The following POU6F1 variants were observed in gnomAD, a reference collection of about 807,000 sequenced individuals.
POU6F1 encodes the protein POU domain, class 6, transcription factor 1.
Under a neutral mutation model 28.9 loss-of-function variants are expected in POU6F1, and 9 were observed. That is an observed-to-expected ratio of 0.31 (90% confidence interval 0.19 to 0.54). POU6F1 has a LOEUF of 0.54. POU6F1 is among the 20% of genes least tolerant of loss of function. The pLI is 0.94. For synonymous variants in POU6F1, 173 were observed against 171.1 expected (o/e 1.01, Z -0.09); for missense variants, 338 against 426.1 (o/e 0.79, Z 1.82).
At chr12:51,198,115 G>A (rs1565612345) in intron 5 of POU6F1, 92 bp from the exon 6 acceptor site, 2 of 398,384 alleles carry the variant, frequency 5.0e-6, no homozygotes, top group South Asian at 1.4e-4. Context: ...AGAAGGAGAG[G>A]GGGTTGGGGC....
In POU6F1 at chr12:51,217,399, A is replaced by G. The variant is rs1047598408; in HGVS notation, c.-48+243T>C. ...GTCCAGAGCGGCCCGCGGGCGGGCG[A>G]GGGCGCGGCCCCCGGGTGTCTAGCC... On this transcript the variant is annotated intron_variant, in intron 1 of 10. Coordinates refer to ENST00000333640, the MANE Select transcript of POU6F1 (RefSeq NM_001330422.2). This position sits in a 1 kb window ranked among gnomAD's most constrained non-coding sequence, Gnocchi z 5.3. 7.3e-5 allele frequency among the ~76,000 whole-genome samples: 11 copies of G among 151,656 alleles called. No individual in the cohort carries two copies. Among genetic ancestry groups the G allele is most frequent in the Non-Finnish European group, 1.5e-4 (10 of 67,904 alleles).
At chr12:51,191,838 G>C (rs1277837013) in intron 9 of POU6F1, 74 bp from the exon 10 acceptor site, 10 of 1,561,696 alleles carry the variant, frequency 6.4e-6, no homozygotes, top group Non-Finnish European at 8.8e-6. Flanking sequence ...TCATTGGTCT[G>C]AACTGACGCA....
At position 51,199,922 on chromosome 12, in the gene POU6F1, AG is replaced by A. The variant is rs1348419271; in HGVS notation, c.245-55del. ...CAAGGAGTGAGCCTGACGTGAGTGGAGGGGTCACCACAGCAGTACATGACAT... is the reference window on the plus strand; with the variant it reads ...CAAGGAGTGAGCCTGACGTGAGTGGAGGGTCACCACAGCAGTACATGACAT... On this transcript the variant is annotated intron_variant, in intron 3 of 10. Coordinates refer to ENST00000333640, the MANE Select transcript of POU6F1 (RefSeq NM_001330422.2). The surrounding 1 kb of genome is among the most constrained non-coding windows in gnomAD (Gnocchi z 4.1). 1 of 399,232 alleles carries A rather than the reference AG, an allele frequency of 2.5e-6. No individual in the cohort carries two copies. Among genetic ancestry groups the A allele is most frequent in the Non-Finnish European group, 4.4e-6 (1 of 226,240 alleles). 24.7% of individuals were successfully genotyped at this position (399,232 alleles called of 1,614,324 possible).
chr12:51,197,029 G>A (rs1320149761), intron 6 of POU6F1, 102 bp from the exon 7 acceptor site: 1 of 653,934 alleles, frequency 1.5e-6, no homozygotes, highest in African/African-American at 1.8e-5. Flanking sequence ...ATGTGAATGT[G>A]GGCTTCAGGC....
rs1452718770 is a variant in POU6F1 at position 51,189,966 on chromosome 12, A to G, written c.*281T>C. On this transcript the variant is annotated 3_prime_UTR_variant, in exon 11 of 11. Coordinates refer to ENST00000333640, the MANE Select transcript of POU6F1 (RefSeq NM_001330422.2). ...CACCAGAATTCACCCTTCAGAAACCATGCTAGCAAGGTGCTTCTCTAAGTG... is the reference window on the plus strand; with the variant it reads ...CACCAGAATTCACCCTTCAGAAACCGTGCTAGCAAGGTGCTTCTCTAAGTG... The G allele has an allele frequency of 2.2e-6, 1 of 452,046 alleles. No individual in the cohort carries two copies. The highest frequency in any genetic ancestry group is 3.9e-6 in the Non-Finnish European group (1 of 254,742). The allele number at this position is 452,046 out of a possible 1,614,324, so 28.0% of individuals were successfully genotyped here.
intron 1 of POU6F1, among the ~76,000 whole-genome samples, chr12:51,216,614 G>T (rs559469163): frequency 6.6e-6 from 1 of 152,270 alleles, no homozygotes; most frequent in East Asian, 1.9e-4. Context: ...GAATGAAAAT[G>T]GAATATATGG....
At chr12:51,210,284 G>C (rs866415558) in intron 1 of POU6F1, among the ~76,000 whole-genome samples, 4 of 152,066 alleles carry the variant, frequency 2.6e-5, no homozygotes. Flanking sequence ...TATGAAAGTC[G>C]TTACACATAG....
chr12:51,192,213 G>C lies in POU6F1; in HGVS notation c.1321+117C>G, dbSNP rs532982455. 9.4e-6 allele frequency: 13 copies of C among 1,387,182 alleles called. No homozygotes were observed. In the African/African-American group the frequency reaches 1.9e-4, roughly 20 times the overall value. The allele number at this position is 1,387,182 out of a possible 1,614,324, so 85.9% of individuals were successfully genotyped here. A position where few individuals can be genotyped will look rare whatever the true frequency, so the allele number is the denominator to read the frequency against. ...TAAAAAAGCCAGCCCCTCATATTGG[G>C]CCTCTGCCCTTCCCCTCTGGACCCC... On this transcript the variant is annotated intron_variant, in intron 9 of 10. Coordinates refer to ENST00000333640, the MANE Select transcript of POU6F1 (RefSeq NM_001330422.2).
intron 1 of POU6F1, among the ~76,000 whole-genome samples, chr12:51,215,380 C>T (rs1425245049): frequency 6.6e-6 from 1 of 151,724 alleles, no homozygotes; most frequent in African/African-American, 2.4e-5. Flanking sequence ...CATGGTGAAA[C>T]CCCGTCTCTA....
At chr12:51,197,671 CG>C (rs201108082) in intron 6 of POU6F1, 98 bp downstream of exon 6, 6 of 396,290 alleles carry the variant, frequency 1.5e-5, no homozygotes, top group East Asian at 7.2e-5. Flanking sequence ...GGGCTGTTTT[CG>C]GGGGGGGCTC....
At chr12:51,205,482 T>C (rs1455901925) in intron 2 of POU6F1, among the ~76,000 whole-genome samples, 1 of 152,332 alleles carries the variant, frequency 6.6e-6, no homozygotes, top group Non-Finnish European at 1.5e-5. Context: ...CTCCCTCCCC[T>C]GCCCAGACGA....
intron 9 of POU6F1, 142 bp downstream of exon 9, chr12:51,192,188 T>A: frequency 8.0e-7 from 1 of 1,248,206 alleles, no homozygotes. Context: ...GGAATGGGAA[T>A]AAAAAAGCCA....
intron 1 of POU6F1, among the ~76,000 whole-genome samples, chr12:51,209,439 C>T (rs893150788): frequency 3.3e-5 from 5 of 152,190 alleles, no homozygotes; most frequent in African/African-American, 1.2e-4. Flanking sequence ...CAAGGTTCAT[C>T]CACATTGTAG....
At position 51,188,503 on chromosome 12, in the gene POU6F1, C is replaced by T. The variant is rs113804849; in HGVS notation, c.*1744G>A. ...CAGAGCGTGTATGTGTGTGTGTGTGCGCGCGTCTGTGCGCGCTGCACGTGC... is the reference window on the plus strand; with the variant it reads ...CAGAGCGTGTATGTGTGTGTGTGTGTGCGCGTCTGTGCGCGCTGCACGTGC... On this transcript the variant is annotated 3_prime_UTR_variant, in exon 11 of 11. Transcript: ENST00000333640. 0.032 allele frequency: 4,844 copies of T among 152,202 alleles called. 93 individuals are homozygous for T. The highest frequency in any genetic ancestry group is 0.065 in the Middle Eastern group (19 of 292). 9.4% of individuals were successfully genotyped at this position (152,202 alleles called of 1,614,324 possible). A position where few individuals can be genotyped will look rare whatever the true frequency, so the allele number is the denominator to read the frequency against.
rs1435884594 is a variant in POU6F1 at position 51,217,060 on chromosome 12, C to T, written c.-48+582G>A. 1.3e-5 allele frequency among the ~76,000 whole-genome samples: 2 copies of T among 152,156 alleles called. No individual in the cohort carries two copies. The highest frequency in any genetic ancestry group is 4.8e-5 in the African/African-American group (2 of 41,430). ...GTGCTCATGCTCTGCTAGAAGGTGGCCCTCCCATCACTGACCCACCCTTCC... is the reference window on the plus strand; with the variant it reads ...GTGCTCATGCTCTGCTAGAAGGTGGTCCTCCCATCACTGACCCACCCTTCC... On this transcript the variant is annotated intron_variant, in intron 1 of 10. Coordinates refer to ENST00000333640, the MANE Select transcript of POU6F1 (RefSeq NM_001330422.2). The surrounding 1 kb of genome is among the most constrained non-coding windows in gnomAD (Gnocchi z 5.3).
chr12:51,196,802 T>A lies in POU6F1; in HGVS notation c.972A>T (p.Gly324=). 6.2e-7 allele frequency: 1 copy of A among 1,613,904 alleles called. No homozygotes were observed. Among genetic ancestry groups the A allele is most frequent in the Non-Finnish European group, 8.5e-7 (1 of 1,179,886 alleles). Residue 324 remains glycine (G), a synonymous_variant, in exon 7 of 11, where the codon GGA becomes GGT. Transcript: ENST00000333640. ...ISSQILTNAQ[G]QVIGTLPWVV... is the part of the protein sequence containing the mutation. ...AGCCCTGTCTTTGGCCACTTGCCTG[T>A]CCCTGAGCATTGGTGAGGATCTGAC...
In POU6F1 at chr12:51,192,378, T is replaced by C; in HGVS notation, c.1273A>G (p.Ile425Val). ...GGGGTCTCTGAGCAGGTAATTGGGA[T>C]AGGAGCAGAGGCAGATGGCTTGGCG... ...PAAKPSASAP[I>V]PITCSETPTV... The change falls in exon 9 of 11, where the codon ATC becomes GTC. Residue 425 changes from isoleucine (I) to valine (V), a missense_variant. Physicochemically the swap from Ile to Val is conservative, Grantham distance 29. Transcript: ENST00000333640. The C allele has an allele frequency of 6.2e-7, 1 of 1,614,076 alleles. No homozygotes were observed. Among genetic ancestry groups the C allele is most frequent in the Non-Finnish European group, 8.5e-7 (1 of 1,179,994 alleles).
intron 8 of POU6F1, among the ~76,000 whole-genome samples, 189 bp downstream of exon 8, chr12:51,195,781 G>A (rs1039761188): frequency 6.6e-6 from 1 of 152,206 alleles, no homozygotes; most frequent in Admixed American, 6.5e-5. Flanking sequence ...GTCTCGTGGT[G>A]CTGTTTCCCT....
At chr12:51,201,577 A>G (rs1182787406) in intron 3 of POU6F1, 1 of 152,022 alleles carries the variant, frequency 6.6e-6, no homozygotes, top group Non-Finnish European at 1.5e-5. Context: ...GAGAGTCTGA[A>G]CATGTGAAAA....
Sources: allele counts gnomAD v4.1 joint callset (sites outside exome capture counted in the v4.1 genomes callset), GRCh38; gene constraint gnomAD v4.1.1; non-coding constraint Gnocchi (gnomAD v3.1); transcripts MANE v1.5; gene names NCBI Gene and HGNC (gene_info 2026-07-23, HGNC 2026-07-21).